The following PEAK1 variants were observed in gnomAD, a reference collection of about 807,000 sequenced individuals.
PEAK1 encodes the protein inactive tyrosine-protein kinase PEAK1.
Under a neutral mutation model 124.7 loss-of-function variants are expected in PEAK1, and 54 were observed. That is an observed-to-expected ratio of 0.43 (90% CI 0.35 to 0.54). The LOEUF is 0.54. PEAK1 is among the 20% of genes least tolerant of loss of function. PEAK1 has a pLI of 0.01. For synonymous variants in PEAK1, 719 were observed against 760.0 expected (o/e 0.95, Z 0.89); for missense variants, 2,046 against 2,134.5 (o/e 0.96, Z 0.82).
intron 6 of PEAK1, among the ~76,000 whole-genome samples, chr15:77,242,540 G>A (rs1041417314): frequency 6.6e-6 from 1 of 152,098 alleles, no homozygotes; most frequent in Admixed American, 6.5e-5. Context: ...ATAAACTGAT[G>A]CGCTATGAAA....
intron 8 of PEAK1, among the ~76,000 whole-genome samples, chr15:77,139,281 C>T (rs982528278): frequency 1.3e-5 from 2 of 152,130 alleles, no homozygotes; most frequent in African/African-American, 4.8e-5. Context: ...TTCTGGTATA[C>T]CTCCTGAAGG....
intron 1 of PEAK1, among the ~76,000 whole-genome samples, chr15:77,409,161 G>A (rs1203879354): frequency 6.6e-6 from 1 of 152,056 alleles, no homozygotes; most frequent in African/African-American, 2.4e-5. Flanking sequence ...AAATTAAGAG[G>A]GGACCCTAAC....
chr15:77,260,575 C>G (rs2152937481), intron 5 of PEAK1, among the ~76,000 whole-genome samples: 1 of 151,726 alleles, frequency 6.6e-6, no homozygotes, highest in Non-Finnish European at 1.5e-5. Flanking sequence ...CAAAAAGAAC[C>G]AAAAAATAAC....
chr15:77,299,614 T>A (rs1043772958), intron 2 of PEAK1, among the ~76,000 whole-genome samples: 2 of 152,246 alleles, frequency 1.3e-5, no homozygotes, highest in Admixed American at 6.5e-5. Flanking sequence ...TTTCCTTGAC[T>A]TTCATAATCT....
chr15:77,277,529 A>T (rs2062399047), intron 5 of PEAK1, among the ~76,000 whole-genome samples: 1 of 152,208 alleles, frequency 6.6e-6, no homozygotes, highest in Admixed American at 6.5e-5. Flanking sequence ...AACTCGGTGA[A>T]TGGTACAGTA....
At chr15:77,286,757 C>CA (rs2062951499) in intron 2 of PEAK1, among the ~76,000 whole-genome samples, 2 of 152,090 alleles carry the variant, frequency 1.3e-5, no homozygotes, top group South Asian at 4.1e-4. Context: ...TTCCTTACTT[C>CA]AAAAAATTAC....
chr15:77,394,759 AC>A (rs1206347198), intron 1 of PEAK1, among the ~76,000 whole-genome samples: 19 of 152,212 alleles, frequency 1.2e-4, no homozygotes, highest in Admixed American at 1.2e-3. Context: ...AAGCATCAAG[AC>A]CATCCAGGAA....
chr15:77,403,757 T>A (rs539704286), intron 1 of PEAK1: 1 of 969,036 alleles, frequency 1.0e-6, no homozygotes, highest in Admixed American at 6.2e-5. Flanking sequence ...AAGCGTAAGA[T>A]GTTAAGGAAT....
chr15:77,118,433 C>T (rs1321827479), intron 9 of PEAK1, among the ~76,000 whole-genome samples: 1 of 151,740 alleles, frequency 6.6e-6, no homozygotes, highest in Non-Finnish European at 1.5e-5. Flanking sequence ...AAAAAAAAAA[C>T]CTCAAAATGA....
intron 7 of PEAK1, among the ~76,000 whole-genome samples, chr15:77,168,701 G>C (rs2056300900): frequency 6.6e-6 from 1 of 152,188 alleles, no homozygotes; most frequent in Admixed American, 6.5e-5. Context: ...TCTTTGAGAA[G>C]ATCCAAAAGG....
At chr15:77,253,011 G>A (rs566523160) in intron 5 of PEAK1, among the ~76,000 whole-genome samples, 59 of 152,016 alleles carry the variant, frequency 3.9e-4, no homozygotes, top group African/African-American at 1.3e-3. Context: ...TTTTAATTTC[G>A]TTTTTAAAAA....
At chr15:77,313,714 GTGTGTGTGTGTGTA>G (rs2064671618) in intron 2 of PEAK1, among the ~76,000 whole-genome samples, 2 of 118,712 alleles carry the variant, frequency 1.7e-5, no homozygotes, top group African/African-American at 6.4e-5. Flanking sequence ...ATGTATGTGT[GTGTGTGTGTGTGTA>G]TATATATATA....
chr15:77,108,728 A>T lies in PEAK1; in HGVS notation c.*5428T>A, dbSNP rs1045427520. The T allele has an allele frequency of 1.3e-5, 2 of 152,222 alleles. No individual in the cohort carries two copies. Among genetic ancestry groups the T allele is most frequent in the Middle Eastern group, 3.4e-3 (1 of 294 alleles). 9.4% of individuals were successfully genotyped at this position (152,222 alleles called of 1,614,324 possible). A position where few individuals can be genotyped will look rare whatever the true frequency, so the allele number is the denominator to read the frequency against. On this transcript the variant is annotated 3_prime_UTR_variant, in exon 10 of 10. Transcript: ENST00000682557. ...AACAATATTCGTAGCAAAATATATG[A>T]CTCTGTACTTCTGCTAGGTTAAAAA... is the stretch of plus-strand genomic sequence containing the variant.
intron 5 of PEAK1, among the ~76,000 whole-genome samples, chr15:77,264,274 GAAAT>G (rs2061598379): frequency 6.6e-6 from 1 of 151,990 alleles, no homozygotes; most frequent in Non-Finnish European, 1.5e-5. Flanking sequence ...GCAGGAGAAG[GAAAT>G]AAAGGGTATT....
At chr15:77,347,873 A>C (rs1354642619) in intron 2 of PEAK1, 2 of 984,142 alleles carry the variant, frequency 2.0e-6, no homozygotes, top group African/African-American at 3.5e-5. Flanking sequence ...CTACATTTAA[A>C]AATAAAATAT....
intron 2 of PEAK1, chr15:77,348,221 C>T: frequency 2.1e-6 from 2 of 975,190 alleles, no homozygotes; most frequent in Non-Finnish European, 2.4e-6. Context: ...GATCAGAGAC[C>T]CACCTGTACT....
At chr15:77,290,205 G>A (rs34117936) in intron 2 of PEAK1, among the ~76,000 whole-genome samples, 11,700 of 152,148 alleles carry the variant, frequency 0.077, 559 homozygotes, top group Non-Finnish European at 0.1. Flanking sequence ...GCTCACTACA[G>A]CCTCCATTTC....
chr15:77,113,453 T>G lies in PEAK1; in HGVS notation c.*703A>C, dbSNP rs1288560452. The stretch of plus-strand genomic sequence containing the variant: ...GATAAATCCAAACTTCACTGGCAAG[T>G]GGGGACAGAGTGGAGAATCAGGCAG... On this transcript the variant is annotated 3_prime_UTR_variant, in exon 10 of 10. Transcript: ENST00000682557. 2.6e-5 allele frequency: 4 copies of G among 152,506 alleles called. No individual in the cohort carries two copies. The highest frequency in any genetic ancestry group is 5.9e-5 in the Non-Finnish European group (4 of 68,306). The allele number at this position is 152,506 out of a possible 1,614,324, so 9.4% of individuals were successfully genotyped here.
At chr15:77,211,525 A>G (rs2058903411) in intron 6 of PEAK1, among the ~76,000 whole-genome samples, 2 of 152,100 alleles carry the variant, frequency 1.3e-5, no homozygotes, top group African/African-American at 2.4e-5. Flanking sequence ...TAAAATAATG[A>G]CTTATGACTG....
Sources: allele counts gnomAD v4.1 joint callset (sites outside exome capture counted in the v4.1 genomes callset), GRCh38; gene constraint gnomAD v4.1.1; transcripts MANE v1.5; gene names NCBI Gene and HGNC (gene_info 2026-07-23, HGNC 2026-07-21).